The following ADAM23 variants were observed in gnomAD, a reference collection of about 807,000 sequenced individuals.
The protein encoded by ADAM23 is ADAM metallopeptidase domain 23, also known as disintegrin and metalloproteinase domain-containing protein 23.
In ADAM23, 33 loss-of-function variants were observed where a neutral mutation model predicts 120.1. That is an observed-to-expected ratio of 0.27 (90% CI 0.21 to 0.37). The LOEUF (loss-of-function observed/expected upper bound fraction) is 0.37. ADAM23 is among the 10% of genes least tolerant of loss of function. The pLI is 1.00. For missense variants in ADAM23, 862 were observed against 1,058.2 expected, an observed-to-expected ratio of 0.81 and a Z score of 2.57; for synonymous variants, 367 against 375.2, an observed-to-expected ratio of 0.98 and a Z score of 0.25.
At chr2:206,513,720 A>T (rs147790976) in intron 3 of ADAM23, among the ~76,000 whole-genome samples, 85 of 152,336 alleles carry the variant, frequency 5.6e-4, no homozygotes, top group African/African-American at 2.0e-3. Flanking sequence ...GGACTTTCCT[A>T]ACTAGAGAGG....
intron 2 of ADAM23, among the ~76,000 whole-genome samples, chr2:206,475,031 C>T (rs555397585): frequency 3.5e-4 from 54 of 152,234 alleles, no homozygotes; most frequent in African/African-American, 1.3e-3. Context: ...AAACTAACAC[C>T]TCATGTTTCT....
chr2:206,536,463 A>T (rs1308232348), intron 4 of ADAM23, among the ~76,000 whole-genome samples: 1 of 151,978 alleles, frequency 6.6e-6, no homozygotes, highest in Non-Finnish European at 1.5e-5. Flanking sequence ...GGTTGGAGAG[A>T]TGTAGGTCAG....
intron 3 of ADAM23, among the ~76,000 whole-genome samples, chr2:206,500,321 A>C (rs1228646072): frequency 6.6e-6 from 1 of 151,974 alleles, no homozygotes; most frequent in South Asian, 2.1e-4. Flanking sequence ...AAATTATATG[A>C]CTCTCAAAGT....
At chr2:206,459,582 T>G (rs1234599226) in intron 2 of ADAM23, among the ~76,000 whole-genome samples, 2 of 152,234 alleles carry the variant, frequency 1.3e-5, no homozygotes, top group African/African-American at 4.8e-5. Flanking sequence ...TGTAATCGTT[T>G]GAGAATCTTT....
chr2:206,540,216 T>TACACAC (rs71034461), intron 4 of ADAM23, among the ~76,000 whole-genome samples: 2,447 of 131,872 alleles, frequency 0.019, 55 homozygotes, highest in African/African-American at 0.043. Flanking sequence ...CCCTTCACTG[T>TACACAC]ACACACACAC....
chr2:206,547,567 G>A, intron 7 of ADAM23, 66 bp downstream of exon 7: 2 of 1,352,290 alleles, frequency 1.5e-6, no homozygotes, highest in Non-Finnish European at 2.1e-6. Flanking sequence ...GTGGAGCTCA[G>A]TAGATATGCA....
chr2:206,476,093 CT>C, intron 2 of ADAM23, among the ~76,000 whole-genome samples: 1 of 152,262 alleles, frequency 6.6e-6, no homozygotes, highest in East Asian at 1.9e-4. Flanking sequence ...CTAATGCCCT[CT>C]TTCCTGAAGC....
intron 3 of ADAM23, among the ~76,000 whole-genome samples, chr2:206,512,087 CAT>C (rs1696635004): frequency 6.6e-6 from 1 of 152,088 alleles, no homozygotes; most frequent in African/African-American, 2.4e-5. Flanking sequence ...ATTTCAATGA[CAT>C]ATGTGGTGAA....
At chr2:206,587,228 T>TTA in intron 18 of ADAM23, 97 bp from the exon 19 acceptor site, 1 of 806,396 alleles carries the variant, frequency 1.2e-6, no homozygotes, top group South Asian at 2.0e-5. Flanking sequence ...ATGTTTCTAG[T>TTA]TATATATATC....
At chr2:206,478,793 G>T (rs918453852) in intron 2 of ADAM23, among the ~76,000 whole-genome samples, 13 of 152,072 alleles carry the variant, frequency 8.5e-5, no homozygotes, top group African/African-American at 2.7e-4. Context: ...ATTTTGACTC[G>T]ATTTTTATAA....
At chr2:206,484,027 GGGAGGTTGAAGATGCAGAAA>G (rs1173719616) in intron 3 of ADAM23, among the ~76,000 whole-genome samples, 2 of 152,168 alleles carry the variant, frequency 1.3e-5, no homozygotes, top group Non-Finnish European at 2.9e-5. Flanking sequence ...TGATAAGAGT[GGGAGGTTGAAGATGCAGAAA>G]GGAGAGAGGA....
chr2:206,570,403 A>G (rs1034469029), intron 15 of ADAM23, among the ~76,000 whole-genome samples: 20 of 152,182 alleles, frequency 1.3e-4, no homozygotes, highest in African/African-American at 4.3e-4. Flanking sequence ...CTTATTAGCA[A>G]TGCATTTTAG....
intron 3 of ADAM23, among the ~76,000 whole-genome samples, chr2:206,512,724 G>C (rs1010365757): frequency 6.6e-6 from 1 of 152,064 alleles, no homozygotes; most frequent in African/African-American, 2.4e-5. Context: ...GATATACCTA[G>C]TTTTATGTTC....
chr2:206,547,304 T>A lies in ADAM23; in HGVS notation c.721-125T>A, dbSNP rs540602530. The stretch of plus-strand genomic sequence containing the variant: ...AATAAGACATACTTTTCACTTTTGA[T>A]AGCTAAAAAACTGACATATAAATAT... On this transcript the variant is annotated intron_variant, in intron 6 of 25. Coordinates refer to ENST00000264377, the MANE Select transcript of ADAM23 (RefSeq NM_003812.4). 17 of 649,214 alleles carry A rather than the reference T, an allele frequency of 2.6e-5. No homozygotes were observed. The East Asian group carries it at 5.0e-4, about 19-fold the overall frequency. 40.2% of individuals were successfully genotyped at this position (649,214 alleles called of 1,614,324 possible).
At chr2:206,456,729 C>A (rs372773874) in intron 2 of ADAM23, among the ~76,000 whole-genome samples, 2 of 152,064 alleles carry the variant, frequency 1.3e-5, no homozygotes, top group Non-Finnish European at 2.9e-5. Context: ...AAGGTAGTCA[C>A]GTATTCCTGG....
intron 20 of ADAM23, among the ~76,000 whole-genome samples, chr2:206,589,179 C>G (rs1459391426): frequency 1.3e-5 from 2 of 152,126 alleles, no homozygotes; most frequent in Non-Finnish European, 2.9e-5. Flanking sequence ...TATTAGCTTG[C>G]AAGAGCCAAT....
chr2:206,535,705 C>T (rs369042353), intron 4 of ADAM23, among the ~76,000 whole-genome samples: 43 of 152,200 alleles, frequency 2.8e-4, no homozygotes, highest in African/African-American at 8.7e-4. Context: ...AAGCCATACA[C>T]GAAGGGGCAC....
chr2:206,469,137 G>A (rs557326959), intron 2 of ADAM23, among the ~76,000 whole-genome samples: 19 of 152,234 alleles, frequency 1.2e-4, no homozygotes, highest in African/African-American at 4.3e-4. Flanking sequence ...TTTGGGTGGG[G>A]TACAGGTCCA....
chr2:206,482,580 G>A (rs914224944), intron 3 of ADAM23, among the ~76,000 whole-genome samples: 1 of 152,172 alleles, frequency 6.6e-6, no homozygotes, highest in African/African-American at 2.4e-5. Context: ...GGTCATATGG[G>A]ATGGCCAGGG....
Sources: gnomAD v4.1 joint callset for allele counts (sites outside exome capture counted in the v4.1 genomes callset) on GRCh38, gnomAD v4.1.1 for gene constraint, MANE v1.5 for transcripts, NCBI Gene and HGNC (gene_info 2026-07-23, HGNC 2026-07-21) for gene names.